Variants in CDIN1 observed in about 807,000 individuals in gnomAD.
The protein encoded by CDIN1 is CDAN1 interacting nuclease 1.
A neutral mutation model predicts 45.3 loss-of-function variants in CDIN1; 33 were observed. The ratio of observed to expected loss-of-function variants is 0.73; its 90% confidence interval spans 0.55 to 0.97. The LOEUF (loss-of-function observed/expected upper bound fraction) is 0.97, where lower values mean the gene tolerates loss of function less well. Among genes scored for constraint, CDIN1 ranks in the 50% least tolerant of loss-of-function variants. The pLI, the probability that CDIN1 is intolerant of heterozygous loss-of-function variation, is 0.00. For synonymous variants in CDIN1, 118 were observed against 124.4 expected, an observed-to-expected ratio of 0.95 and a Z score of 0.34; for missense variants, 303 against 339.4, an observed-to-expected ratio of 0.89 and a Z score of 0.84.
At chr15:36,603,828 G>A (rs1223897192) in intron 1 of CDIN1, among the ~76,000 whole-genome samples, 1 of 152,178 alleles carries the variant, frequency 6.6e-6, no homozygotes, top group African/African-American at 2.4e-5. Flanking sequence ...CACAGTTTCT[G>A]TGGTAGGGAG....
chr15:36,586,714 ACTGTACTCCAGCATGGGCAACATAG>A lies in CDIN1; in HGVS notation c.101+6778_101+6802del, dbSNP rs1242177276. ...ATTATAATTGTGCCTGTGAATAGCC[ACTGTACTCCAGCATGGGCAACATAG>A]CTGTACTCCAGCATGGGCAACATAT... On this transcript the variant is annotated intron_variant, in intron 1 of 10. Transcript: ENST00000566621. Among the ~76,000 whole-genome samples, 12 of 152,300 alleles carry A rather than the reference ACTGTACTCCAGCATGGGCAACATAG, an allele frequency of 7.9e-5. No homozygotes were observed. The East Asian group carries it at 1.9e-3, about 24-fold the overall frequency.
intron 10 of CDIN1, among the ~76,000 whole-genome samples, chr15:36,796,388 G>A (rs978438285): frequency 2.0e-5 from 3 of 152,186 alleles, no homozygotes; most frequent in African/African-American, 4.8e-5. Flanking sequence ...AGCTGCAGGG[G>A]CATTACATTT....
chr15:36,706,797 T>C (rs920679298), intron 8 of CDIN1: 4 of 152,180 alleles, frequency 2.6e-5, no homozygotes, highest in Admixed American at 2.0e-4. Flanking sequence ...ACTTTGAGCC[T>C]AGTTGGTGCC....
intron 1 of CDIN1, among the ~76,000 whole-genome samples, chr15:36,594,486 ATATTT>A (rs5811919): frequency 0.57 from 86,236 of 151,284 alleles, 24,925 homozygotes; most frequent in Middle Eastern, 0.68. Flanking sequence ...GTCATGAAAA[ATATTT>A]TATTCATGTG....
chr15:36,674,061 C>T (rs1254470314), intron 5 of CDIN1, among the ~76,000 whole-genome samples: 2 of 152,082 alleles, frequency 1.3e-5, no homozygotes, highest in Admixed American at 6.6e-5. Context: ...TTCTCTTAAC[C>T]TTACCATGAT....
intron 5 of CDIN1, among the ~76,000 whole-genome samples, chr15:36,666,168 T>C (rs1221646131): frequency 6.6e-6 from 1 of 152,186 alleles, no homozygotes; most frequent in East Asian, 1.9e-4. Context: ...GTAAATTTAC[T>C]AGGGGATAGA....
intron 5 of CDIN1, among the ~76,000 whole-genome samples, chr15:36,675,682 A>G (rs2041623524): frequency 6.6e-6 from 1 of 152,210 alleles, no homozygotes; most frequent in Admixed American, 6.6e-5. Context: ...CGCATCATTT[A>G]ATGATATACG....
chr15:36,736,995 C>T (rs2044047808), intron 10 of CDIN1, among the ~76,000 whole-genome samples: 1 of 151,858 alleles, frequency 6.6e-6, no homozygotes. Context: ...GGTGAAACCC[C>T]ATCTCTACTA....
intron 10 of CDIN1, among the ~76,000 whole-genome samples, chr15:36,801,203 A>T (rs1050369176): frequency 1.3e-5 from 2 of 151,822 alleles, no homozygotes; most frequent in African/African-American, 2.4e-5. Flanking sequence ...CAATTATGGT[A>T]ATTCAGCTCA....
At chr15:36,674,200 G>A (rs1301743946) in intron 5 of CDIN1, among the ~76,000 whole-genome samples, 1 of 152,118 alleles carries the variant, frequency 6.6e-6, no homozygotes, top group Non-Finnish European at 1.5e-5. Context: ...TGCGCAGGAC[G>A]GCGAATCCTC....
chr15:36,610,036 G>C (rs2038574646), intron 1 of CDIN1, among the ~76,000 whole-genome samples: 1 of 152,166 alleles, frequency 6.6e-6, no homozygotes. Flanking sequence ...TACCTTAGGA[G>C]CTCCTCTGGT....
At chr15:36,728,280 AC>A (rs1418831295) in intron 10 of CDIN1, among the ~76,000 whole-genome samples, 1 of 151,910 alleles carries the variant, frequency 6.6e-6, no homozygotes, top group Non-Finnish European at 1.5e-5. Context: ...GGCTTCTCCC[AC>A]CCCCCTACCA....
chr15:36,622,692 T>A (rs1478429067), intron 1 of CDIN1, among the ~76,000 whole-genome samples: 1 of 152,222 alleles, frequency 6.6e-6, no homozygotes, highest in Admixed American at 6.5e-5. Context: ...TGGCCAGTGC[T>A]ACTCACTGGT....
intron 10 of CDIN1, among the ~76,000 whole-genome samples, chr15:36,786,515 T>C (rs2054495320): frequency 6.6e-6 from 1 of 152,214 alleles, no homozygotes; most frequent in Non-Finnish European, 1.5e-5. Flanking sequence ...TTTAATCCTG[T>C]GTCCTTCTGA....
intron 5 of CDIN1, among the ~76,000 whole-genome samples, chr15:36,681,180 A>C (rs1456745396): frequency 6.6e-6 from 1 of 152,182 alleles, no homozygotes; most frequent in Non-Finnish European, 1.5e-5. Context: ...AATAAAAATA[A>C]CTGAATAAAT....
intron 5 of CDIN1, among the ~76,000 whole-genome samples, chr15:36,673,366 G>A (rs986603540): frequency 1.3e-5 from 2 of 152,090 alleles, no homozygotes; most frequent in African/African-American, 4.8e-5. Context: ...CTGAGATGAA[G>A]TTTGATATAT....
intron 10 of CDIN1, chr15:36,734,381 G>A (rs1371054764): frequency 2.4e-6 from 1 of 424,308 alleles, no homozygotes; most frequent in Admixed American, 2.8e-5. Context: ...TCCTTCCCTA[G>A]TTACTTTAAC....
chr15:36,652,655 A>G (rs1282490563), intron 3 of CDIN1, among the ~76,000 whole-genome samples: 1 of 152,180 alleles, frequency 6.6e-6, no homozygotes, highest in Non-Finnish European at 1.5e-5. Flanking sequence ...TTCCCAAATA[A>G]TACATTCAAG....
intron 10 of CDIN1, among the ~76,000 whole-genome samples, chr15:36,723,151 T>C (rs993870111): frequency 6.6e-6 from 1 of 152,152 alleles, no homozygotes; most frequent in Non-Finnish European, 1.5e-5. Context: ...TTGTTAACCC[T>C]TTCTTGCTTC....
Sources: allele counts gnomAD v4.1 joint callset (sites outside exome capture counted in the v4.1 genomes callset), GRCh38; gene constraint gnomAD v4.1.1; transcripts MANE v1.5; gene names NCBI Gene and HGNC (gene_info 2026-07-23, HGNC 2026-07-21).